Variants in ZZEF1 observed in about 807,000 individuals in gnomAD.
ZZEF1 encodes the protein zinc finger ZZ-type and EF-hand domain containing 1, also known as zinc finger ZZ-type and EF-hand domain-containing protein 1.
A neutral mutation model predicts 342.8 loss-of-function variants in ZZEF1; 157 were observed. The ratio of observed to expected loss-of-function variants is 0.46; its 90% CI spans 0.40 to 0.52. The LOEUF is 0.52. Among genes scored for constraint, ZZEF1 ranks in the 20% least tolerant of loss-of-function variants. The pLI is 0.00. For missense variants in ZZEF1, 3,480 were observed against 3,725.6 expected (o/e 0.93, Z 1.72); for synonymous variants, 1,505 against 1,429.1 (o/e 1.05, Z -1.20).
chr17:4,063,647 A>G (rs752024277), intron 29 of ZZEF1, among the ~76,000 whole-genome samples: 16 of 152,064 alleles, frequency 1.1e-4, no homozygotes, highest in Non-Finnish European at 1.9e-4. Flanking sequence ...CTGTAGCCTC[A>G]ACCTACCTGG....
intron 45 of ZZEF1, 88 bp from the exon 46 acceptor site, chr17:4,019,857 T>C: frequency 2.0e-6 from 2 of 981,876 alleles, no homozygotes; most frequent in Non-Finnish European, 3.0e-6. Context: ...GAGAAGACAA[T>C]ATAGCAAAAG....
intron 38 of ZZEF1, among the ~76,000 whole-genome samples, 183 bp from the exon 39 acceptor site, chr17:4,042,751 G>A (rs9907351): frequency 0.029 from 4,405 of 152,186 alleles, 231 homozygotes; most frequent in African/African-American, 0.099. Context: ...GCACAATCTC[G>A]GCTCACTGCA....
rs781834 is a variant in ZZEF1, at chr17:4,064,558, G to A, written c.4521C>T (p.Asp1507=). The A allele has an allele frequency of 0.01, 16,349 of 1,614,096 alleles. 1,388 individuals are homozygous for A. In the African/African-American group the frequency reaches 0.19, roughly 19 times the overall value. The part of the protein sequence containing the change: ...LPSSSGLPAA[D]VSPATAEEPL... ...GCTCTTCAGCTGTGGCAGGGGACAC[G>A]TCTGCAGCAGGAAGGCCACTGCTGG... Residue 1507 remains aspartate, a synonymous_variant, in exon 29 of 55, where the codon GAC becomes GAT. Coordinates refer to ENST00000381638, the MANE Select transcript of ZZEF1 (RefSeq NM_015113.4).
At chr17:4,060,978 T>G (rs1029003792) in intron 30 of ZZEF1, among the ~76,000 whole-genome samples, 2 of 152,192 alleles carry the variant, frequency 1.3e-5, no homozygotes, top group African/African-American at 4.8e-5. Context: ...TACTCTTACA[T>G]CTCTTTGAAA....
intron 30 of ZZEF1, among the ~76,000 whole-genome samples, chr17:4,060,340 G>A (rs949527788): frequency 1.3e-4 from 20 of 151,900 alleles, no homozygotes; most frequent in Non-Finnish European, 2.2e-4. Context: ...TGAGCCGGGC[G>A]GATCAATTGA....
At chr17:4,033,955 CAAAT>C (rs1355543968) in intron 40 of ZZEF1, 56 bp downstream of exon 40, 5 of 1,586,662 alleles carry the variant, frequency 3.2e-6, no homozygotes, top group African/African-American at 1.3e-5. Context: ...TCAACTTAAA[CAAAT>C]AAACACCAAG....
intron 49 of ZZEF1, among the ~76,000 whole-genome samples, chr17:4,015,780 G>A (rs1461933357): frequency 6.6e-6 from 1 of 152,224 alleles, no homozygotes; most frequent in East Asian, 1.9e-4. Flanking sequence ...AAGTGCTAAA[G>A]GGACTACATG....
chr17:4,092,015 G>A (rs1275272985), intron 11 of ZZEF1, among the ~76,000 whole-genome samples: 1 of 151,434 alleles, frequency 6.6e-6, no homozygotes, highest in African/African-American at 2.4e-5. Flanking sequence ...GGCGGAGGTT[G>A]CGGTGAGCCA....
At chr17:4,010,041 G>C (rs1296293370) in intron 52 of ZZEF1, among the ~76,000 whole-genome samples, 1 of 152,044 alleles carries the variant, frequency 6.6e-6, no homozygotes, top group Non-Finnish European at 1.5e-5. Flanking sequence ...TGGATGTTAC[G>C]GGCTACACAT....
intron 11 of ZZEF1, among the ~76,000 whole-genome samples, chr17:4,093,509 A>C (rs909682081): frequency 5.9e-5 from 9 of 152,232 alleles, no homozygotes; most frequent in African/African-American, 1.7e-4. Context: ...AAGGAATTGC[A>C]GCAAGAAGAG....
chr17:4,074,141 T>A lies in ZZEF1; in HGVS notation c.3685+9A>T. On this transcript the variant is annotated intron_variant, in intron 24 of 54. Transcript: ENST00000381638. ...TGTAAGAAGGGAAAGCACAGGGATG[T>A]GCACTTACGGCGCACAGACTTGAGC... 6.2e-7 allele frequency: 1 copy of A among 1,613,504 alleles called. No homozygotes were observed. Among genetic ancestry groups the A allele is most frequent in the African/African-American group, 1.3e-5 (1 of 75,052 alleles).
rs192075553 is a variant in ZZEF1 at position 4,132,961 on chromosome 17, A to G, written c.355-8910T>C. ...AGCCTGGGCGACAGAGCGAGACTCC[A>G]TCTCAAAAAAAAAAGTGGAGCAGGT... On this transcript the variant is annotated intron_variant, in intron 1 of 54. Transcript: ENST00000381638. 2.3e-3 allele frequency among the ~76,000 whole-genome samples: 348 copies of G among 148,908 alleles called. 2 individuals are homozygous for G. Among genetic ancestry groups the G allele is most frequent in the East Asian group, 0.016 (83 of 5,172 alleles).
At chr17:4,015,781 G>T (rs1230624332) in intron 49 of ZZEF1, among the ~76,000 whole-genome samples, 1 of 152,208 alleles carries the variant, frequency 6.6e-6, no homozygotes, top group Non-Finnish European at 1.5e-5. Context: ...AGTGCTAAAG[G>T]GACTACATGG....
intron 40 of ZZEF1, 85 bp from the exon 41 acceptor site, chr17:4,033,087 A>C (rs1484637442): frequency 7.4e-7 from 1 of 1,346,198 alleles, no homozygotes; most frequent in East Asian, 2.5e-5. Flanking sequence ...AGGCAGACCC[A>C]GAAGCCTTCA....
At chr17:4,111,459 A>AT (rs2058297200) in intron 5 of ZZEF1, among the ~76,000 whole-genome samples, 1 of 152,076 alleles carries the variant, frequency 6.6e-6, no homozygotes, top group African/African-American at 2.4e-5. Flanking sequence ...GTAGTTCGAG[A>AT]CCAGTCTGTC....
intron 30 of ZZEF1, among the ~76,000 whole-genome samples, chr17:4,059,679 G>T (rs2057244272): frequency 6.6e-6 from 1 of 152,158 alleles, no homozygotes. Context: ...CAGCCTCACT[G>T]TCTTTTCTAC....
Position 4,006,810 on chromosome 17 carries a change from A to T in ZZEF1, c.*80T>A. 1.4e-6 allele frequency: 2 copies of T among 1,449,848 alleles called. No individual in the cohort carries two copies. Among genetic ancestry groups the T allele is most frequent in the Non-Finnish European group, 1.9e-6 (2 of 1,054,792 alleles). The allele number at this position is 1,449,848 out of a possible 1,614,324, so 89.8% of individuals were successfully genotyped here. On this transcript the variant is annotated 3_prime_UTR_variant, in exon 55 of 55. Transcript: ENST00000381638. ...GAGAGCTGGGCACTGGCGCTACAGGAGTTTTCCTGAATGAGGTTAGATGTC... is the reference window on the plus strand; with the variant it reads ...GAGAGCTGGGCACTGGCGCTACAGGTGTTTTCCTGAATGAGGTTAGATGTC...
In ZZEF1 at chr17:4,017,633, G is replaced by C. The variant is rs753846313; in HGVS notation, c.7739C>G (p.Ala2580Gly). The C allele has an allele frequency of 4.3e-6, 7 of 1,614,168 alleles. No individual in the cohort carries two copies. The highest frequency in any genetic ancestry group is 5.9e-6 in the Non-Finnish European group (7 of 1,180,036). The change falls in exon 48 of 55, where the codon GCC becomes GGC. Residue 2580 changes from alanine (A) to glycine (G), a missense_variant. Ala to Gly is a moderately conservative substitution (Grantham distance 60). Coordinates refer to ENST00000381638, the MANE Select transcript of ZZEF1 (RefSeq NM_015113.4). This position sits in a 1 kb window ranked among gnomAD's most constrained non-coding sequence, Gnocchi z 5.1. ...GGCGCTCTTGCTACGGCGCTGCTTGGCATAGCTCTGCTGCAGTTCGCTCTC... is the reference window on the plus strand; with the variant it reads ...GGCGCTCTTGCTACGGCGCTGCTTGCCATAGCTCTGCTGCAGTTCGCTCTC... Reference protein sequence around the residue: ...STESELQQSYAKQRRSKSAAL... With the variant: ...STESELQQSYGKQRRSKSAAL...
intron 18 of ZZEF1, among the ~76,000 whole-genome samples, chr17:4,078,803 C>CA (rs1567821604): frequency 6.6e-6 from 1 of 152,256 alleles, no homozygotes; most frequent in African/African-American, 2.4e-5. Context: ...GCCTAACACA[C>CA]AGCAGGCATT....
Sources: gnomAD v4.1 joint callset for allele counts (sites outside exome capture counted in the v4.1 genomes callset) on GRCh38, gnomAD v4.1.1 for gene constraint, Gnocchi (gnomAD v3.1) non-coding constraint, MANE v1.5 for transcripts, NCBI Gene and HGNC (gene_info 2026-07-23, HGNC 2026-07-21) for gene names.